Variants in CYFIP2 observed in about 807,000 individuals in gnomAD.
The protein encoded by CYFIP2 is cytoplasmic FMR1-interacting protein 2.
Under a neutral mutation model 158.7 loss-of-function variants are expected in CYFIP2, and 29 were observed. The ratio of observed to expected loss-of-function variants is 0.18; its 90% CI spans 0.14 to 0.25. The LOEUF (loss-of-function observed/expected upper bound fraction) is 0.25, where lower values mean the gene tolerates loss of function less well. CYFIP2 is among the 10% of genes least tolerant of loss of function. The pLI, the probability that CYFIP2 is intolerant of heterozygous loss-of-function variation, is 1.00. For missense variants in CYFIP2, 852 were observed against 1,639.5 expected (o/e 0.52, Z 8.29); for synonymous variants, 585 against 617.6 (o/e 0.95, Z 0.78).
intron 29 of CYFIP2, among the ~76,000 whole-genome samples, chr5:157,390,085 C>A (rs1322773581): frequency 6.6e-6 from 1 of 152,188 alleles, no homozygotes; most frequent in East Asian, 1.9e-4. Flanking sequence ...CTGTCCCTTC[C>A]CTTTCAGCCT....
chr5:157,344,898 G>A (rs921851629), intron 23 of CYFIP2, among the ~76,000 whole-genome samples: 6 of 152,220 alleles, frequency 3.9e-5, no homozygotes, highest in African/African-American at 4.8e-5. Context: ...TCCTCCAGGA[G>A]TGGAGCTGCA....
In CYFIP2 at chr5:157,314,416, C is replaced by T. The variant is rs1239141371; in HGVS notation, c.1183C>T (p.Arg395Trp). Residue 395 changes from arginine to tryptophan, a missense_variant, in exon 12 of 31, where the codon CGG becomes TGG. Coordinates refer to ENST00000620254, the MANE Select transcript of CYFIP2 (RefSeq NM_001037333.3). ...EYRELFDLAL[R>W]GLQLLSKWSA... ...TCGCGAGCTCTTCGACCTAGCCCTG[C>T]GGGGTCTGCAGCTTCTATCCAAGTG... is the stretch of plus-strand genomic sequence containing the variant. 2.5e-6 allele frequency: 4 copies of T among 1,613,786 alleles called. No homozygotes were observed. Among genetic ancestry groups the T allele is most frequent in the South Asian group, 2.2e-5 (2 of 91,056 alleles).
chr5:157,278,995 C>A (rs1314976493), intron 1 of CYFIP2, among the ~76,000 whole-genome samples: 1 of 152,204 alleles, frequency 6.6e-6, no homozygotes, highest in Non-Finnish European at 1.5e-5. Context: ...CCTTACAAAA[C>A]CCACAGTTTT....
At chr5:157,299,873 G>A (rs1390672997) in intron 5 of CYFIP2, among the ~76,000 whole-genome samples, 2 of 152,212 alleles carry the variant, frequency 1.3e-5, no homozygotes, top group Non-Finnish European at 2.9e-5. Flanking sequence ...CTGCATTCCA[G>A]CCTGGGTAAC....
chr5:157,379,333 G>A (rs1185921104), intron 26 of CYFIP2, among the ~76,000 whole-genome samples: 1 of 152,020 alleles, frequency 6.6e-6, no homozygotes, highest in Non-Finnish European at 1.5e-5. Flanking sequence ...AAGGACAAAA[G>A]ACTGAGGAAA....
At chr5:157,369,942 C>T (rs183910580) in intron 26 of CYFIP2, among the ~76,000 whole-genome samples, 5,641 of 145,074 alleles carry the variant, frequency 0.039, 377 homozygotes, top group African/African-American at 0.14. Context: ...AGTGCAGTGG[C>T]GTGATCTCGG....
At chr5:157,306,864 G>C (rs371183871) in intron 8 of CYFIP2, among the ~76,000 whole-genome samples, 223 of 151,660 alleles carry the variant, frequency 1.5e-3, no homozygotes, top group African/African-American at 5.0e-3. Flanking sequence ...CCCGGGTGGG[G>C]TGGGGTAGGG....
At chr5:157,323,077 A>G (rs757011044) in intron 15 of CYFIP2, 47 of 1,462,356 alleles carry the variant, frequency 3.2e-5, no homozygotes, top group Non-Finnish European at 4.1e-5. Context: ...GCAGGAATGG[A>G]CTAGCCTGGC....
chr5:157,304,435 C>G, intron 8 of CYFIP2, 69 bp downstream of exon 8: 1 of 1,516,912 alleles, frequency 6.6e-7, no homozygotes, highest in African/African-American at 1.4e-5. Context: ...TATTAAAAAT[C>G]CGTTTTAAAA....
chr5:157,376,293 CTGTTT>C (rs1268871998), intron 26 of CYFIP2: 13 of 152,274 alleles, frequency 8.5e-5, no homozygotes, highest in Admixed American at 8.5e-4. Flanking sequence ...CCAATTGATT[CTGTTT>C]TATTTCTCAG....
At chr5:157,359,506 C>A (rs528145717) in intron 24 of CYFIP2, among the ~76,000 whole-genome samples, 1 of 152,344 alleles carries the variant, frequency 6.6e-6, no homozygotes, top group Admixed American at 6.5e-5. Flanking sequence ...AAATTCATGA[C>A]ACATGTGCTG....
intron 1 of CYFIP2, among the ~76,000 whole-genome samples, chr5:157,283,679 C>T (rs1290350733): frequency 6.6e-6 from 1 of 152,126 alleles, no homozygotes; most frequent in Non-Finnish European, 1.5e-5. Flanking sequence ...TGTTTGAGAA[C>T]TCAGTGAAAT....
At chr5:157,314,319 G>A (rs368120441) in intron 11 of CYFIP2, 25 bp from the exon 12 acceptor site, 956 of 1,610,600 alleles carry the variant, frequency 5.9e-4, no homozygotes, top group Non-Finnish European at 7.6e-4. Context: ...CATAGACCAT[G>A]AGTATGACAC....
At chr5:157,320,015 C>T (rs1760464171) in intron 14 of CYFIP2, 87 bp downstream of exon 14, 2 of 1,517,288 alleles carry the variant, frequency 1.3e-6, no homozygotes, top group East Asian at 2.3e-5. Flanking sequence ...AGCCACTGAA[C>T]ACACATGGGT....
At chr5:157,360,997 C>A (rs1763775136) in intron 25 of CYFIP2, among the ~76,000 whole-genome samples, 1 of 152,216 alleles carries the variant, frequency 6.6e-6, no homozygotes. Flanking sequence ...GCCCTACTTA[C>A]TACCTGTGTG....
At chr5:157,369,898 T>A (rs74727580) in intron 26 of CYFIP2, among the ~76,000 whole-genome samples, 10 of 149,558 alleles carry the variant, frequency 6.7e-5, no homozygotes, top group South Asian at 4.3e-4. Context: ...TTTTTTTTTT[T>A]AAAGACAGAG....
chr5:157,299,290 G>C (rs1188672339), intron 5 of CYFIP2, among the ~76,000 whole-genome samples: 1 of 152,136 alleles, frequency 6.6e-6, no homozygotes, highest in African/African-American at 2.4e-5. Flanking sequence ...GCCTGCAAGA[G>C]ACAGTGCCCT....
chr5:157,390,092 G>T (rs1389216294), intron 29 of CYFIP2, among the ~76,000 whole-genome samples: 2 of 152,146 alleles, frequency 1.3e-5, no homozygotes, highest in African/African-American at 4.8e-5. Context: ...TTCCCTTTCA[G>T]CCTGCTTCTG....
At chr5:157,274,151 C>T (rs894980285) in intron 1 of CYFIP2, among the ~76,000 whole-genome samples, 2 of 148,782 alleles carry the variant, frequency 1.3e-5, no homozygotes, top group South Asian at 2.1e-4. Context: ...AAAAAAAAAC[C>T]GTTCAGTGGT....
Sources: allele counts gnomAD v4.1 joint callset (sites outside exome capture counted in the v4.1 genomes callset), GRCh38; gene constraint gnomAD v4.1.1; transcripts MANE v1.5; gene names NCBI Gene and HGNC (gene_info 2026-07-23, HGNC 2026-07-21).